DOCK2: variants seen among roughly 807,000 people sequenced by gnomAD.
DOCK2 encodes dedicator of cytokinesis 2.
DOCK2 carries 87 observed loss-of-function variants against 248.9 expected under a neutral mutation model. The ratio of observed to expected loss-of-function variants is 0.35; its 90% CI spans 0.29 to 0.42. The LOEUF (loss-of-function observed/expected upper bound fraction) is 0.42, where lower values mean the gene tolerates loss of function less well. Among genes scored for constraint, DOCK2 ranks in the 10% least tolerant of loss-of-function variants. The pLI, the probability that DOCK2 is intolerant of heterozygous loss-of-function variation, is 1.00. For missense variants in DOCK2, 1,747 were observed against 2,300.2 expected, an observed-to-expected ratio of 0.76 and a Z score of 4.92; for synonymous variants, 805 against 821.6, an observed-to-expected ratio of 0.98 and a Z score of 0.35.
rs545934726 is a variant in DOCK2 at position 169,724,849 on chromosome 5, T to C, written c.2267+6058T>C. ...CTCCCACCAGCTCAGTTTCTTCCTA[T>C]GTAAATATTGCATAGTAGTTTACCC... is the stretch of plus-strand genomic sequence containing the variant. On this transcript the variant is annotated intron_variant, in intron 22 of 51. Transcript: ENST00000520908. Among the ~76,000 whole-genome samples, 6 of 152,182 alleles carry C rather than the reference T, an allele frequency of 3.9e-5. No homozygotes were observed. The South Asian group carries it at 8.3e-4, about 21-fold the overall frequency.
Position 170,042,108 on chromosome 5 carries a change from C to G in DOCK2, c.3852C>G (p.Ile1284Met). The change falls in exon 38 of 52, where the codon ATC becomes ATG. Residue 1284 changes from isoleucine to methionine, a missense_variant. Transcript: ENST00000520908. ...TGAAGGAGACGCTCTACGAGACCAT[C>G]ATAGGCTACTTTGACAAAGGAAAGG... ...RQLKETLYETIIGYFDKGKMW... is the reference protein window; with the variant it reads ...RQLKETLYETMIGYFDKGKMW... The G allele has an allele frequency of 6.2e-7, 1 of 1,613,074 alleles. No individual in the cohort carries two copies. Among genetic ancestry groups the G allele is most frequent in the Non-Finnish European group, 8.5e-7 (1 of 1,179,438 alleles).
intron 23 of DOCK2, among the ~76,000 whole-genome samples, chr5:169,758,574 G>A (rs1284522750): frequency 1.3e-5 from 2 of 152,228 alleles, no homozygotes; most frequent in African/African-American, 2.4e-5. Context: ...TAAGGGTTAC[G>A]AGAAATGGCT....
intron 27 of DOCK2, among the ~76,000 whole-genome samples, chr5:169,964,833 A>C (rs1240639947): frequency 6.6e-6 from 1 of 152,242 alleles, no homozygotes; most frequent in Non-Finnish European, 1.5e-5. Flanking sequence ...TGTTGCTTGG[A>C]GGATTCAAAG....
chr5:169,893,677 T>C (rs1268419053), intron 27 of DOCK2, among the ~76,000 whole-genome samples: 1 of 152,190 alleles, frequency 6.6e-6, no homozygotes, highest in East Asian at 1.9e-4. Context: ...TTCACCCCTC[T>C]TCTCCATAAG....
chr5:169,775,435 T>C (rs2113783715), intron 25 of DOCK2, among the ~76,000 whole-genome samples: 1 of 152,144 alleles, frequency 6.6e-6, no homozygotes, highest in African/African-American at 2.4e-5. Context: ...CTCTTTCTTT[T>C]TTCTTTTTTT....
intron 27 of DOCK2, among the ~76,000 whole-genome samples, chr5:169,892,575 C>T (rs140567362): frequency 1.8e-4 from 28 of 152,324 alleles, no homozygotes; most frequent in South Asian, 1.5e-3. Flanking sequence ...GAGGCCTCTC[C>T]GATGGATGGG....
chr5:169,893,126 A>T lies in DOCK2; in HGVS notation c.2799+52274A>T, dbSNP rs1384694042. Among the ~76,000 whole-genome samples, 3 of 152,048 alleles carry T rather than the reference A, an allele frequency of 2.0e-5. No individual in the cohort carries two copies. The South Asian group carries it at 6.2e-4, about 31-fold the overall frequency. ...AGTGATTCATTCCTTTGGCTATTCT[A>T]TGTCAAGGGTGGGGAATCAGCATCT... On this transcript the variant is annotated intron_variant, in intron 27 of 51. Transcript: ENST00000520908.
chr5:169,710,442 A>G (rs1441453540), intron 15 of DOCK2, among the ~76,000 whole-genome samples: 2 of 152,232 alleles, frequency 1.3e-5, no homozygotes, highest in East Asian at 1.9e-4. Flanking sequence ...CACAGGCTGT[A>G]TAATGCCTGA....
At chr5:169,934,970 C>G in intron 27 of DOCK2, 1 of 252,808 alleles carries the variant, frequency 4.0e-6, no homozygotes, top group Non-Finnish European at 7.9e-6. Context: ...ACAATATCAG[C>G]TAGAATGCAA....
rs185764011 is a variant in DOCK2 at position 169,790,259 on chromosome 5, A to G, written c.2555-12799A>G. ...CTAGCTGCTCATATTGATTCAAAACATTGCTGTTGGCTTTTGTTCTTTTTG... is the reference window on the plus strand; with the variant it reads ...CTAGCTGCTCATATTGATTCAAAACGTTGCTGTTGGCTTTTGTTCTTTTTG... On this transcript the variant is annotated intron_variant, in intron 25 of 51. Transcript: ENST00000520908. Among the ~76,000 whole-genome samples the G allele has an allele frequency of 5.3e-5, 8 of 152,312 alleles. No homozygotes were observed. In the East Asian group the frequency reaches 1.4e-3, roughly 26 times the overall value.
chr5:169,813,692 A>G (rs1455451659), intron 26 of DOCK2, among the ~76,000 whole-genome samples: 1 of 152,262 alleles, frequency 6.6e-6, no homozygotes, highest in Non-Finnish European at 1.5e-5. Context: ...TAAACACCCA[A>G]CATAGACCAA....
intron 22 of DOCK2, among the ~76,000 whole-genome samples, chr5:169,734,018 A>C (rs968559176): frequency 1.3e-5 from 2 of 152,118 alleles, no homozygotes; most frequent in Non-Finnish European, 2.9e-5. Context: ...ATCAATCAGC[A>C]TATGTTAGAC....
chr5:169,994,991 T>C (rs1754549933), intron 29 of DOCK2, among the ~76,000 whole-genome samples: 1 of 151,950 alleles, frequency 6.6e-6, no homozygotes, highest in African/African-American at 2.4e-5. Context: ...ACCAAAATGT[T>C]AAACATGCAT....
chr5:169,704,497 A>G (rs1761138974), intron 14 of DOCK2, among the ~76,000 whole-genome samples: 1 of 152,180 alleles, frequency 6.6e-6, no homozygotes, highest in African/African-American at 2.4e-5. Context: ...GGGGTCAGGC[A>G]GACAGGGTTC....
intron 27 of DOCK2, among the ~76,000 whole-genome samples, chr5:169,928,644 G>C (rs1441165933): frequency 6.6e-6 from 1 of 152,180 alleles, no homozygotes; most frequent in Non-Finnish European, 1.5e-5. Flanking sequence ...ACTTTTAAAA[G>C]AGGCAGAGAG....
intron 30 of DOCK2, among the ~76,000 whole-genome samples, chr5:170,002,649 C>T (rs1754880192): frequency 6.6e-6 from 1 of 151,912 alleles, no homozygotes; most frequent in African/African-American, 2.4e-5. Context: ...CTCATTATAC[C>T]CACTAGCAGT....
intron 37 of DOCK2, among the ~76,000 whole-genome samples, chr5:170,041,430 C>T (rs1265576521): frequency 6.6e-6 from 1 of 152,162 alleles, no homozygotes; most frequent in African/African-American, 2.4e-5. Context: ...GGCATGCCCA[C>T]TGAGCTGCAT....
chr5:170,079,954 C>T (rs1472825214), intron 49 of DOCK2: 21 of 635,542 alleles, frequency 3.3e-5, no homozygotes, highest in Non-Finnish European at 4.3e-5. Context: ...ATGTCCGCCA[C>T]CCCCGCCTGT....
At chr5:169,640,069 A>G (rs1191276315) in intron 1 of DOCK2, among the ~76,000 whole-genome samples, 1 of 152,218 alleles carries the variant, frequency 6.6e-6, no homozygotes, top group Non-Finnish European at 1.5e-5. Context: ...TCCTCCTGTC[A>G]TGAGAACACC....
Sources: allele counts gnomAD v4.1 joint callset (sites outside exome capture counted in the v4.1 genomes callset), GRCh38; gene constraint gnomAD v4.1.1; transcripts MANE v1.5; gene names NCBI Gene and HGNC (gene_info 2026-07-23, HGNC 2026-07-21).